The following TRIM5 variants were observed in gnomAD, a reference collection of about 807,000 sequenced individuals.
TRIM5 encodes the protein tripartite motif containing 5, also known as tripartite motif-containing protein 5.
A neutral mutation model predicts 35.6 loss-of-function variants in TRIM5; 31 were observed. The observed-to-expected ratio is 0.87, with a 90% confidence interval of 0.65 to 1.18. The LOEUF is 1.18. Ranked by LOEUF, TRIM5 falls within the 50% of genes most tolerant of loss-of-function variation. The pLI is 0.00. For synonymous variants in TRIM5, 243 were observed against 215.6 expected, an observed-to-expected ratio of 1.13 and a Z score of -1.11; for missense variants, 609 against 591.6, an observed-to-expected ratio of 1.03 and a Z score of -0.31.
the TRIM5 span, chr11:5,605,265 T>G: frequency 2.7e-5 from 43 of 1,604,914 alleles, no homozygotes; most frequent in South Asian, 4.1e-4. Flanking sequence ...TGAGCCCAAC[T>G]TCCCCGCTTT....
the TRIM5 span, among the ~76,000 whole-genome samples, chr11:5,602,469 A>G: frequency 2.0e-5 from 3 of 151,650 alleles, no homozygotes; most frequent in Non-Finnish European, 2.9e-5. Context: ...GAGTGATTGT[A>G]TGGTGGCTGT....
the TRIM5 span, chr11:5,608,310 A>C: frequency 1.9e-5 from 30 of 1,606,256 alleles, no homozygotes; most frequent in Non-Finnish European, 2.5e-5. Context: ...ACATGGAAGG[A>C]GAAATGTGGA....
chr11:5,654,777 G>T, the TRIM5 span, among the ~76,000 whole-genome samples: 1 of 152,150 alleles, frequency 6.6e-6, no homozygotes, highest in African/African-American at 2.4e-5. Context: ...ATAAAATGGA[G>T]ATGTGAAAAA....
chr11:5,605,085 G>A, the TRIM5 span: 20 of 537,426 alleles, frequency 3.7e-5, no homozygotes, highest in Middle Eastern at 1.0e-3. Flanking sequence ...GAATCTAAAC[G>A]TCACCCAGGA....
Position 5,664,282 on chromosome 11 carries a change from G to T in TRIM5, c.*527C>A. On this transcript the variant is annotated 3_prime_UTR_variant, in exon 8 of 8. Transcript: ENST00000380034. ...TATGTTATTCACAGTTACACTGCTG[G>T]TATATGGAGAGACAGGAGTTGAACT... 3.0e-6 allele frequency: 3 copies of T among 985,752 alleles called. No individual in the cohort carries two copies. The highest frequency in any genetic ancestry group is 3.6e-6 in the Non-Finnish European group (3 of 830,296). 61.1% of individuals were successfully genotyped at this position (985,752 alleles called of 1,614,324 possible).
chr11:5,631,245 A>G, the TRIM5 span, among the ~76,000 whole-genome samples: 2 of 152,152 alleles, frequency 1.3e-5, no homozygotes, highest in East Asian at 1.9e-4. Context: ...GAAATTCCCA[A>G]CTTATGTGGT....
downstream of TRIM5, among the ~76,000 whole-genome samples, chr11:5,660,732 T>C (rs1850785376): frequency 6.6e-6 from 1 of 152,112 alleles, no homozygotes; most frequent in African/African-American, 2.4e-5. Context: ...GTATGGTGGT[T>C]AATACAAAGA....
At chr11:5,591,838 C>G in the TRIM5 span, among the ~76,000 whole-genome samples, 1 of 152,288 alleles carries the variant, frequency 6.6e-6, no homozygotes, top group Admixed American at 6.5e-5. Flanking sequence ...TTGGGTTCCA[C>G]CTGTGGTTGC....
intron 3 of TRIM5, 100 bp from the exon 4 acceptor site, chr11:5,678,534 G>A: frequency 1.1e-6 from 1 of 898,822 alleles, no homozygotes; most frequent in Non-Finnish European, 1.7e-6. Context: ...CACAAGGAGG[G>A]GACATAGTAG....
chr11:5,610,859 T>C, the TRIM5 span: 2 of 1,614,216 alleles, frequency 1.2e-6, no homozygotes, highest in Non-Finnish European at 8.5e-7. Context: ...TTGTGGGAGC[T>C]AAAGTATCTG....
intron 4 of TRIM5, among the ~76,000 whole-genome samples, chr11:5,675,182 C>A (rs1851850371): frequency 6.7e-6 from 1 of 150,204 alleles, no homozygotes; most frequent in Non-Finnish European, 1.5e-5. Context: ...GTGCCCGCCA[C>A]CACGCCTGGC....
the TRIM5 span, chr11:5,633,884 G>T: frequency 3.1e-6 from 5 of 1,614,052 alleles, no homozygotes; most frequent in South Asian, 4.4e-5. Flanking sequence ...TCAGAGAAGA[G>T]AAAACTTCCT....
the TRIM5 span, chr11:5,596,799 G>T: frequency 1.3e-6 from 2 of 1,597,652 alleles, no homozygotes; most frequent in South Asian, 2.2e-5. Flanking sequence ...AGCGCGCTCT[G>T]TTCCTTAAGA....
chr11:5,627,811 G>T, the TRIM5 span, among the ~76,000 whole-genome samples: 1 of 152,188 alleles, frequency 6.6e-6, no homozygotes. Flanking sequence ...TCCAGAAGAA[G>T]TGTCTAGGAT....
chr11:5,683,915 C>G (rs6578676), intron 1 of TRIM5: 80,083 of 151,332 alleles, frequency 0.53, 21,128 homozygotes, highest in African/African-American at 0.53. Flanking sequence ...TTGTTATTTT[C>G]CTCTTTGCAA....
At position 5,664,498 on chromosome 11, in the gene TRIM5, A is replaced by G. The variant is rs1448829106; in HGVS notation, c.*311T>C. 9.3e-7 allele frequency: 1 copy of G among 1,073,024 alleles called. No individual in the cohort carries two copies. Among genetic ancestry groups the G allele is most frequent in the East Asian group, 6.5e-5 (1 of 15,408 alleles). The allele number at this position is 1,073,024 out of a possible 1,614,324, so 66.5% of individuals were successfully genotyped here. A position where few individuals can be genotyped will look rare whatever the true frequency, so the allele number is the denominator to read the frequency against. On this transcript the variant is annotated 3_prime_UTR_variant, in exon 8 of 8. Coordinates refer to ENST00000380034, the MANE Select transcript of TRIM5 (RefSeq NM_033034.3). ...TTTCTTCATCTTCTTAGTCAGTGTC[A>G]GAGGCAATTGGGTGATAAATATCTG... is the stretch of plus-strand genomic sequence containing the variant.
At chr11:5,606,027 C>A in the TRIM5 span, among the ~76,000 whole-genome samples, 1 of 152,154 alleles carries the variant, frequency 6.6e-6, no homozygotes, top group Non-Finnish European at 1.5e-5. Context: ...CACGATAGCC[C>A]CAGGGTGAAC....
the TRIM5 span, chr11:5,642,356 T>C: frequency 6.5e-7 from 1 of 1,533,176 alleles, no homozygotes; most frequent in East Asian, 2.3e-5. Flanking sequence ...GTGGGAGGGA[T>C]GGACACAGGA....
the TRIM5 span, chr11:5,596,958 G>T: frequency 6.2e-7 from 1 of 1,613,810 alleles, no homozygotes; most frequent in Non-Finnish European, 8.5e-7. Context: ...GTCACTTCTG[G>T]CAGAGGTGAC....
Sources: gnomAD v4.1 joint callset for allele counts (sites outside exome capture counted in the v4.1 genomes callset) on GRCh38, gnomAD v4.1.1 for gene constraint, MANE v1.5 for transcripts, NCBI Gene and HGNC (gene_info 2026-07-23, HGNC 2026-07-21) for gene names.